SLC24A2: variants seen among roughly 807,000 people sequenced by gnomAD.
SLC24A2 encodes solute carrier family 24 member 2, also known as sodium/potassium/calcium exchanger 2.
In SLC24A2, 36 loss-of-function variants were observed where a neutral mutation model predicts 62.0. The observed-to-expected ratio is 0.58, with a 90% CI of 0.44 to 0.77. The LOEUF (loss-of-function observed/expected upper bound fraction) is 0.77. Ranked by LOEUF, SLC24A2 falls within the 30% of genes least tolerant of loss-of-function variation. SLC24A2 has a pLI of 0.00. For synonymous variants in SLC24A2, 358 were observed against 294.0 expected, an observed-to-expected ratio of 1.22 and a Z score of -2.23; for missense variants, 846 against 817.9, an observed-to-expected ratio of 1.03 and a Z score of -0.42.
chr9:19,613,349 G>C (rs1817673949), intron 4 of SLC24A2, among the ~76,000 whole-genome samples: 1 of 152,192 alleles, frequency 6.6e-6, no homozygotes, highest in African/African-American at 2.4e-5. Flanking sequence ...AGAGATGGCA[G>C]CCTGGGCTGC....
chr9:20,256,019 A>G, the SLC24A2 span, among the ~76,000 whole-genome samples: 1 of 152,176 alleles, frequency 6.6e-6, no homozygotes, highest in African/African-American at 2.4e-5. Context: ...GCCATTCTTT[A>G]TATATAATCC....
chr9:20,037,848 C>A, the SLC24A2 span, among the ~76,000 whole-genome samples: 1 of 152,120 alleles, frequency 6.6e-6, no homozygotes, highest in Non-Finnish European at 1.5e-5. Flanking sequence ...AAACATTCCA[C>A]AAGGAAGAGC....
At chr9:20,254,605 A>G in the SLC24A2 span, among the ~76,000 whole-genome samples, 1 of 152,124 alleles carries the variant, frequency 6.6e-6, no homozygotes, top group Non-Finnish European at 1.5e-5. Context: ...GGGTAACTGC[A>G]TTCATCTTTG....
At chr9:20,159,254 T>C in the SLC24A2 span, among the ~76,000 whole-genome samples, 2 of 151,560 alleles carry the variant, frequency 1.3e-5, no homozygotes, top group African/African-American at 2.4e-5. Flanking sequence ...TCAACTTTTT[T>C]CCCCCATTAA....
At chr9:19,771,871 G>A (rs1438534637) in intron 2 of SLC24A2, among the ~76,000 whole-genome samples, 1 of 152,144 alleles carries the variant, frequency 6.6e-6, no homozygotes, top group Middle Eastern at 3.2e-3. Context: ...GTTCAAGATG[G>A]ATGCAAATGT....
chr9:19,550,713 T>G (rs1834803186), intron 7 of SLC24A2, among the ~76,000 whole-genome samples: 1 of 151,358 alleles, frequency 6.6e-6, no homozygotes, highest in Non-Finnish European at 1.5e-5. Flanking sequence ...TCTCTTTTTT[T>G]TTTTTTGGAA....
In SLC24A2 at chr9:19,511,387, T is replaced by TA. The variant is rs1042073343; in HGVS notation, c.*4765dup. 4.8e-4 allele frequency: 73 copies of TA among 152,234 alleles called. No homozygotes were observed. The highest frequency in any genetic ancestry group is 1.7e-3 in the African/African-American group (71 of 41,536). The allele number at this position is 152,234 out of a possible 1,614,324, so 9.4% of individuals were successfully genotyped here. A position where few individuals can be genotyped will look rare whatever the true frequency, so the allele number is the denominator to read the frequency against. On this transcript the variant is annotated 3_prime_UTR_variant, in exon 11 of 11. Transcript: ENST00000341998. The stretch of plus-strand genomic sequence containing the variant: ...CCAAGGTCTTCCTGAGATTATTTTT[T>TA]AAAAAAATCTAAAACTGTATATGGG...
the SLC24A2 span, among the ~76,000 whole-genome samples, chr9:20,282,583 G>A: frequency 3.3e-5 from 5 of 152,032 alleles, no homozygotes; most frequent in African/African-American, 7.2e-5. Context: ...CAGCAACCCC[G>A]CACCCCCATC....
chr9:20,040,320 G>A, the SLC24A2 span, among the ~76,000 whole-genome samples: 1 of 152,168 alleles, frequency 6.6e-6, no homozygotes. Flanking sequence ...GAGACATTTT[G>A]CTCTAAGGAA....
intron 2 of SLC24A2, among the ~76,000 whole-genome samples, chr9:19,639,331 G>A (rs1432576343): frequency 6.6e-6 from 1 of 152,308 alleles, no homozygotes; most frequent in African/African-American, 2.4e-5. Context: ...CTATCAGTAG[G>A]TAAAGTTTGT....
the SLC24A2 span, among the ~76,000 whole-genome samples, chr9:20,012,119 A>C: frequency 6.6e-6 from 1 of 152,198 alleles, no homozygotes; most frequent in Non-Finnish European, 1.5e-5. Flanking sequence ...TTTTCCTCTA[A>C]GATTAGGGAC....
chr9:19,995,361 C>T, the SLC24A2 span, among the ~76,000 whole-genome samples: 85 of 152,086 alleles, frequency 5.6e-4, no homozygotes, highest in South Asian at 0.016. Context: ...GTAAAGAGAG[C>T]GTGGAGGTTA....
Position 19,725,513 on chromosome 9 carries a change from G to C in SLC24A2, c.930+60424C>G, listed in dbSNP as rs372102883. Among the ~76,000 whole-genome samples, 49 of 152,162 alleles carry C rather than the reference G, an allele frequency of 3.2e-4. 1 individual carries two copies. The East Asian group carries it at 9.3e-3, about 29-fold the overall frequency. On this transcript the variant is annotated intron_variant, in intron 2 of 10. Transcript: ENST00000341998. ...TTTGATAAAAACTTTCAGAGTTGGA[G>C]GTAAACTGTCTTCATAATAAGCTAT...
At chr9:20,063,281 G>T in the SLC24A2 span, among the ~76,000 whole-genome samples, 3 of 151,076 alleles carry the variant, frequency 2.0e-5, no homozygotes, top group Non-Finnish European at 4.4e-5. Flanking sequence ...AGAAAATGTG[G>T]CACATATACA....
In SLC24A2 at chr9:19,705,107, G is replaced by A. The variant is rs530747711; in HGVS notation, c.930+80830C>T. ...GATCCCTTTGTTCTCAGCATATGAT[G>A]GTAAGAAAAGGATTCAGATTCCAGC... On this transcript the variant is annotated intron_variant, in intron 2 of 10. Transcript: ENST00000341998. Among the ~76,000 whole-genome samples, 21 of 152,260 alleles carry A rather than the reference G, an allele frequency of 1.4e-4. No homozygotes were observed. In the East Asian group the frequency reaches 3.9e-3, roughly 28 times the overall value.
Position 19,534,362 on chromosome 9 carries a change from C to CT in SLC24A2, c.1480-6225dup, listed in dbSNP as rs923905935. Among the ~76,000 whole-genome samples the CT allele has an allele frequency of 5.3e-5, 8 of 152,164 alleles. No homozygotes were observed. The South Asian group carries it at 1.2e-3, about 24-fold the overall frequency. ...TTGTACATTTTTTGTCTTTGTATCT[C>CT]TTTTTTTAAATACACTTTAAGTTCT... On this transcript the variant is annotated intron_variant, in intron 8 of 10. Transcript: ENST00000341998.
chr9:19,940,979 G>C, the SLC24A2 span, among the ~76,000 whole-genome samples: 1 of 152,206 alleles, frequency 6.6e-6, no homozygotes. Flanking sequence ...AAGATGCTGT[G>C]TTCTGGTCAA....
At chr9:19,869,594 G>C in the SLC24A2 span, among the ~76,000 whole-genome samples, 1 of 152,052 alleles carries the variant, frequency 6.6e-6, no homozygotes, top group East Asian at 1.9e-4. Flanking sequence ...AGTGGTTTCT[G>C]TACATATTAC....
At chr9:19,663,557 G>C (rs1819164269) in intron 2 of SLC24A2, among the ~76,000 whole-genome samples, 2 of 152,136 alleles carry the variant, frequency 1.3e-5, no homozygotes, top group South Asian at 4.1e-4. Context: ...GAATGGATCA[G>C]AACAGCAGTA....
Sources: gnomAD v4.1 joint callset for allele counts (sites outside exome capture counted in the v4.1 genomes callset) on GRCh38, gnomAD v4.1.1 for gene constraint, MANE v1.5 for transcripts, NCBI Gene and HGNC (gene_info 2026-07-23, HGNC 2026-07-21) for gene names.